Variants in PCDHGB2 observed in about 807,000 individuals in gnomAD.
The protein encoded by PCDHGB2 is protocadherin gamma subfamily B, 2.
In PCDHGB2, 55 loss-of-function variants were observed where a neutral mutation model predicts 59.3. The observed-to-expected ratio is 0.93, with a 90% confidence interval of 0.75 to 1.16. The LOEUF is 1.16. Ranked by LOEUF, PCDHGB2 falls within the 50% of genes most tolerant of loss-of-function variation. PCDHGB2 has a pLI of 0.00. For missense variants in PCDHGB2, 1,228 were observed against 1,198.5 expected, an observed-to-expected ratio of 1.02 and a Z score of -0.36; for synonymous variants, 516 against 512.0, an observed-to-expected ratio of 1.01 and a Z score of -0.11.
chr5:141,404,948 G>C, intron 1 of PCDHGB2: 2 of 1,613,956 alleles, frequency 1.2e-6, no homozygotes, highest in Non-Finnish European at 1.7e-6. Context: ...AGCCATAGCT[G>C]ACAGCATCCC....
chr5:141,418,178 G>A, intron 1 of PCDHGB2: 1 of 1,614,080 alleles, frequency 6.2e-7, no homozygotes, highest in Non-Finnish European at 8.5e-7. Flanking sequence ...GTTGCAATTG[G>A]AAGCTGTGGT....
intron 1 of PCDHGB2, among the ~76,000 whole-genome samples, chr5:141,386,562 A>G (rs979902403): frequency 3.0e-4 from 45 of 152,130 alleles, no homozygotes; most frequent in Non-Finnish European, 4.7e-4. Context: ...TATTTTGCAC[A>G]TGATAGACTC....
At chr5:141,382,378 C>T (rs1160680038) in intron 1 of PCDHGB2, among the ~76,000 whole-genome samples, 1 of 152,098 alleles carries the variant, frequency 6.6e-6, no homozygotes, top group Non-Finnish European at 1.5e-5. Flanking sequence ...TTTTTGCCTT[C>T]AATAACTGAT....
At chr5:141,373,732 C>T (rs969264007) in intron 1 of PCDHGB2, among the ~76,000 whole-genome samples, 1 of 152,174 alleles carries the variant, frequency 6.6e-6, no homozygotes, top group African/African-American at 2.4e-5. Flanking sequence ...CTTCTAAATG[C>T]TTCATTATCT....
intron 1 of PCDHGB2, chr5:141,385,344 A>G (rs1444885751): frequency 6.4e-7 from 1 of 1,567,338 alleles, no homozygotes. Context: ...CCCTTCCTTT[A>G]TTTCCATGAG....
intron 1 of PCDHGB2, among the ~76,000 whole-genome samples, chr5:141,459,804 C>G (rs2098975712): frequency 6.6e-6 from 1 of 152,192 alleles, no homozygotes; most frequent in Non-Finnish European, 1.5e-5. Context: ...TCCCTGTTGA[C>G]TAGAGACACT....
In PCDHGB2 at chr5:141,360,307, G is replaced by C; in HGVS notation, c.172G>C (p.Val58Leu). 2 of 1,613,880 alleles carry C rather than the reference G, an allele frequency of 1.2e-6. No individual in the cohort carries two copies. The highest frequency in any genetic ancestry group is 1.7e-6 in the Non-Finnish European group (2 of 1,179,862). ...GNLAKDLGLS[V>L]RDLPARKLRV... ...CCTCGCCAAGGATCTGGGGCTCAGC[G>C]TCCGGGACTTGCCAGCCCGGAAGCT... The change falls in exon 1 of 4, where the codon GTC becomes CTC. Residue 58 changes from valine to leucine, a missense_variant. Physicochemically the swap from Val to Leu is conservative, Grantham distance 32. Around this residue, in one of 3 missense-constraint regions of PCDHGB2, gnomAD observed 781 missense variants for 721.6 expected, o/e 1.08. Transcript: ENST00000522605.
chr5:141,478,878 T>C (rs946127535), intron 1 of PCDHGB2: 8 of 1,250,076 alleles, frequency 6.4e-6, no homozygotes, highest in Non-Finnish European at 8.6e-6. Context: ...GAGTTTAGCT[T>C]GGTATCATTT....
Position 141,409,958 on chromosome 5 carries a change from T to C in PCDHGB2, c.2421+47402T>C. ...GGTACCTCGCTCTGCAGAGCCCGGC[T>C]ACCTAGTGACTAAGGTGGTAGCGGT... On this transcript the variant is annotated intron_variant, in intron 1 of 3. Transcript: ENST00000522605. 6.2e-7 allele frequency: 1 copy of C among 1,613,394 alleles called. No individual in the cohort carries two copies.
intron 1 of PCDHGB2, among the ~76,000 whole-genome samples, chr5:141,469,134 G>T (rs2099192163): frequency 6.6e-6 from 1 of 151,944 alleles, no homozygotes; most frequent in Non-Finnish European, 1.5e-5. Context: ...AAATTAGCCA[G>T]AAATGGTGGC....
At chr5:141,446,767 G>T (rs891355909) in intron 1 of PCDHGB2, among the ~76,000 whole-genome samples, 1 of 152,118 alleles carries the variant, frequency 6.6e-6, no homozygotes, top group African/African-American at 2.4e-5. Flanking sequence ...GCGCCCAGCC[G>T]GTTACCATTC....
At chr5:141,413,230 C>A in intron 1 of PCDHGB2, 1 of 1,613,942 alleles carries the variant, frequency 6.2e-7, no homozygotes. Context: ...CGGGCTGGTC[C>A]TGCTCTGCCT....
In PCDHGB2 at chr5:141,450,775, C is replaced by T. The variant is rs561501224; in HGVS notation, c.2422-44032C>T. ...GTGCCGGGATTACAGGCATGAGCCA[C>T]CGTGCCCGGACCTCATGATTGTATT... On this transcript the variant is annotated intron_variant, in intron 1 of 3. Coordinates refer to ENST00000522605, the MANE Select transcript of PCDHGB2 (RefSeq NM_018923.3). Among the ~76,000 whole-genome samples the T allele has an allele frequency of 2.3e-3, 352 of 151,748 alleles. 1 individual carries two copies. The highest frequency in any genetic ancestry group is 4.5e-3 in the Non-Finnish European group (306 of 67,958).
intron 2 of PCDHGB2, among the ~76,000 whole-genome samples, chr5:141,499,326 C>G (rs1465474737): frequency 6.6e-6 from 1 of 152,156 alleles, no homozygotes; most frequent in Non-Finnish European, 1.5e-5. Flanking sequence ...TATCCCTGCT[C>G]TCTCTCAGTT....
intron 1 of PCDHGB2, among the ~76,000 whole-genome samples, chr5:141,482,329 T>A (rs1334833454): frequency 6.6e-6 from 1 of 152,160 alleles, no homozygotes; most frequent in Non-Finnish European, 1.5e-5. Context: ...ATAAAGAGAA[T>A]ATCTACTTTG....
chr5:141,458,421 G>T (rs1294502132), intron 1 of PCDHGB2, among the ~76,000 whole-genome samples: 1 of 152,114 alleles, frequency 6.6e-6, no homozygotes, highest in African/African-American at 2.4e-5. Context: ...GGGTTCCAAA[G>T]CTGAAAGAGG....
At chr5:141,436,738 G>T (rs1207400781) in intron 1 of PCDHGB2, among the ~76,000 whole-genome samples, 2 of 152,306 alleles carry the variant, frequency 1.3e-5, no homozygotes, top group South Asian at 2.1e-4. Context: ...AATGATTTTT[G>T]TGTGCTTCTC....
At chr5:141,459,245 C>G (rs1040972875) in intron 1 of PCDHGB2, among the ~76,000 whole-genome samples, 1 of 152,180 alleles carries the variant, frequency 6.6e-6, no homozygotes, top group African/African-American at 2.4e-5. Context: ...TGCTTCCTGT[C>G]ACTATAAATT....
In PCDHGB2 at chr5:141,370,660, G is replaced by A. The variant is rs199537402; in HGVS notation, c.2421+8104G>A. 3.1e-6 allele frequency: 5 copies of A among 1,613,752 alleles called. No individual in the cohort carries two copies. The Admixed American group carries it at 5.0e-5, about 16-fold the overall frequency. ...AATGGGAACTTACTTGTGAGCGACC[G>A]TATAGACCGAGAGGAGATTTGTGGC... On this transcript the variant is annotated intron_variant, in intron 1 of 3. Transcript: ENST00000522605.
Sources: allele counts gnomAD v4.1 joint callset (sites outside exome capture counted in the v4.1 genomes callset), GRCh38; gene constraint gnomAD v4.1.1; regional missense constraint gnomAD v4.1.1; transcripts MANE v1.5; gene names NCBI Gene and HGNC (gene_info 2026-07-23, HGNC 2026-07-21).